Variants in SMARCC1 observed in about 807,000 individuals in gnomAD.
The protein encoded by SMARCC1 is SWI/SNF complex subunit SMARCC1.
SMARCC1 carries 43 observed loss-of-function variants against 147.4 expected under a neutral mutation model. The ratio of observed to expected loss-of-function variants is 0.29; its 90% CI spans 0.23 to 0.38. SMARCC1 has a LOEUF of 0.38. Among genes scored for constraint, SMARCC1 ranks in the 10% least tolerant of loss-of-function variants. The probability of loss-of-function intolerance (pLI) is 1.00; values close to 1 mark genes in which losing one functional copy is unlikely to be tolerated. For missense variants in SMARCC1, 1,119 were observed against 1,381.1 expected, an observed-to-expected ratio of 0.81 and a Z score of 3.01; for synonymous variants, 495 against 484.4, an observed-to-expected ratio of 1.02 and a Z score of -0.29.
At chr3:47,744,729 C>G (rs931497290) in intron 3 of SMARCC1, among the ~76,000 whole-genome samples, 12 of 152,064 alleles carry the variant, frequency 7.9e-5, no homozygotes, top group Non-Finnish European at 1.3e-4. Flanking sequence ...CCCCACAGCT[C>G]AGGACATCAC....
rs1009178067 is a variant in SMARCC1 at position 47,706,626 on chromosome 3, C to T, written c.919-96G>A. On this transcript the variant is annotated intron_variant, in intron 9 of 27. Transcript: ENST00000254480. ...GGTGAATCTCCACACACAAAGACAACAGCATATCCTTAGTTCAGAGCAAAT... is the reference window on the plus strand; with the variant it reads ...GGTGAATCTCCACACACAAAGACAATAGCATATCCTTAGTTCAGAGCAAAT... The T allele has an allele frequency of 8.0e-6, 9 of 1,125,842 alleles. No homozygotes were observed. In the Admixed American group the frequency reaches 1.4e-4, roughly 18 times the overall value. 69.7% of individuals were successfully genotyped at this position (1,125,842 alleles called of 1,614,324 possible).
chr3:47,649,942 A>G (rs867870048), intron 21 of SMARCC1, among the ~76,000 whole-genome samples: 17 of 152,308 alleles, frequency 1.1e-4, no homozygotes, highest in Middle Eastern at 3.4e-3. Context: ...ATGGTGGACT[A>G]TTTAGGCTAC....
intron 22 of SMARCC1, among the ~76,000 whole-genome samples, chr3:47,637,604 T>TG (rs2032987818): frequency 6.6e-6 from 1 of 151,836 alleles, no homozygotes; most frequent in Admixed American, 6.6e-5. Context: ...CCCAGCTACT[T>TG]GGGAGGCTGA....
intron 3 of SMARCC1, among the ~76,000 whole-genome samples, chr3:47,740,850 C>CA (rs60339024): frequency 0.043 from 3,311 of 77,212 alleles, 71 homozygotes; most frequent in East Asian, 0.071. Context: ...GACTCTGACT[C>CA]AAAAAAAAAA....
chr3:47,726,015 T>TCACGCCA (rs2034295100), intron 6 of SMARCC1, among the ~76,000 whole-genome samples: 1 of 121,324 alleles, frequency 8.2e-6, no homozygotes. Context: ...TGAGCCAAGA[T>TCACGCCA]CACGCCACTG....
At chr3:47,721,965 C>CTATTA (rs2034237696) in intron 6 of SMARCC1, among the ~76,000 whole-genome samples, 1 of 152,108 alleles carries the variant, frequency 6.6e-6, no homozygotes, top group Non-Finnish European at 1.5e-5. Context: ...CTGCAATGGG[C>CTATTA]TATTAATAAG....
In SMARCC1 at chr3:47,604,981, G is replaced by A. The variant is rs373563404; in HGVS notation, c.3043+5085C>T. ...TTCCCAAAGTGTTGGGATTACAGGCGTAAGCCACCGCGCCCAGCCTAATGT... is the reference window on the plus strand; with the variant it reads ...TTCCCAAAGTGTTGGGATTACAGGCATAAGCCACCGCGCCCAGCCTAATGT... On this transcript the variant is annotated intron_variant, in intron 26 of 27. Transcript: ENST00000254480. Among the ~76,000 whole-genome samples the A allele has an allele frequency of 5.9e-5, 9 of 152,330 alleles. No individual in the cohort carries two copies. The East Asian group carries it at 1.5e-3, about 26-fold the overall frequency.
At chr3:47,742,708 G>T (rs1410824261) in intron 3 of SMARCC1, among the ~76,000 whole-genome samples, 1 of 152,108 alleles carries the variant, frequency 6.6e-6, no homozygotes, top group Non-Finnish European at 1.5e-5. Context: ...TCAGCATCCG[G>T]AGTAGCTGGG....
At chr3:47,730,429 T>A (rs1320399212) in intron 5 of SMARCC1, among the ~76,000 whole-genome samples, 1 of 152,108 alleles carries the variant, frequency 6.6e-6, no homozygotes, top group African/African-American at 2.4e-5. Context: ...TGCAGTGAAC[T>A]ATGATTATGC....
intron 21 of SMARCC1, among the ~76,000 whole-genome samples, chr3:47,660,682 T>C (rs1048086201): frequency 1.2e-4 from 19 of 152,106 alleles, no homozygotes; most frequent in African/African-American, 4.3e-4. Context: ...GGCAAACCCA[T>C]AGAGACAGAA....
At chr3:47,731,063 T>C (rs2034368791) in intron 5 of SMARCC1, among the ~76,000 whole-genome samples, 1 of 152,162 alleles carries the variant, frequency 6.6e-6, no homozygotes, top group South Asian at 2.1e-4. Flanking sequence ...ACAAATGATT[T>C]CTCTGTAGCA....
At chr3:47,649,388 G>A (rs113783462) in intron 21 of SMARCC1, among the ~76,000 whole-genome samples, 126 of 152,220 alleles carry the variant, frequency 8.3e-4, no homozygotes, top group Middle Eastern at 6.8e-3. Flanking sequence ...TTACTTCTTC[G>A]GTATTATTTA....
At chr3:47,663,951 T>C (rs2033385897) in intron 19 of SMARCC1, 2 of 1,328,296 alleles carry the variant, frequency 1.5e-6, no homozygotes, top group Non-Finnish European at 2.1e-6. Flanking sequence ...GGTCTGGCTT[T>C]GAAAGCTCCG....
At chr3:47,718,270 T>C (rs2034183877) in intron 7 of SMARCC1, among the ~76,000 whole-genome samples, 1 of 148,596 alleles carries the variant, frequency 6.7e-6, no homozygotes, top group African/African-American at 2.5e-5. Flanking sequence ...CATGGCAAAA[T>C]CTCATCTCTA....
intron 11 of SMARCC1, among the ~76,000 whole-genome samples, chr3:47,695,308 C>A (rs1474745725): frequency 6.6e-6 from 1 of 152,144 alleles, no homozygotes; most frequent in African/African-American, 2.4e-5. Flanking sequence ...TTATTCCAGT[C>A]TGGGTGACAA....
At chr3:47,603,511 C>T (rs1432297341) in intron 26 of SMARCC1, 1 of 153,806 alleles carries the variant, frequency 6.5e-6, no homozygotes, top group African/African-American at 2.4e-5. Context: ...CAGCAGCCAC[C>T]ACCTAGGCCA....
At chr3:47,755,440 T>C (rs1279827650) in intron 2 of SMARCC1, among the ~76,000 whole-genome samples, 1 of 141,866 alleles carries the variant, frequency 7.0e-6, no homozygotes, top group South Asian at 2.2e-4. Flanking sequence ...GAGCTTGCAG[T>C]GAGCTGAGAT....
Position 47,673,405 on chromosome 3 carries a change from G to T in SMARCC1, c.1839+2070C>A, listed in dbSNP as rs1032244047. On this transcript the variant is annotated intron_variant, in intron 18 of 27. Coordinates refer to ENST00000254480, the MANE Select transcript of SMARCC1 (RefSeq NM_003074.4). Reference sequence around the variant, plus strand: ...TGTCTCAAAAAAAAAAGGGTGGGGGGGGGGCAGGCCAGTGGCTCAGGCCTG... The same window carrying T: ...TGTCTCAAAAAAAAAAGGGTGGGGGTGGGGCAGGCCAGTGGCTCAGGCCTG... Among the ~76,000 whole-genome samples the T allele has an allele frequency of 4.7e-5, 6 of 128,248 alleles. 1 individual carries two copies. Among genetic ancestry groups the T allele is most frequent in the Non-Finnish European group, 1.7e-5 (1 of 57,798 alleles). 84.1% of individuals were successfully genotyped at this position (128,248 alleles called of 152,430 possible).
intron 2 of SMARCC1, among the ~76,000 whole-genome samples, chr3:47,764,671 T>C (rs2034815299): frequency 6.6e-6 from 1 of 152,170 alleles, no homozygotes; most frequent in South Asian, 2.1e-4. Context: ...CTGGTCATGC[T>C]ACATCATGTA....
Sources: gnomAD v4.1 joint callset for allele counts (sites outside exome capture counted in the v4.1 genomes callset) on GRCh38, gnomAD v4.1.1 for gene constraint, MANE v1.5 for transcripts, NCBI Gene and HGNC (gene_info 2026-07-23, HGNC 2026-07-21) for gene names.